The following ZNF512B variants were observed in gnomAD, a reference collection of about 807,000 sequenced individuals.
ZNF512B encodes zinc finger protein 512B.
Under a neutral mutation model 87.8 loss-of-function variants are expected in ZNF512B, and 22 were observed. The ratio of observed to expected loss-of-function variants is 0.25; its 90% CI spans 0.18 to 0.36. The LOEUF is 0.36. ZNF512B is among the 10% of genes least tolerant of loss of function. The pLI is 1.00. For synonymous variants in ZNF512B, 524 were observed against 490.9 expected (o/e 1.07, Z -0.89); for missense variants, 1,060 against 1,231.6 (o/e 0.86, Z 2.09).
In ZNF512B at chr20:63,958,044, A is replaced by G. The variant is rs1326786884; in HGVS notation, c.*1844T>C. 6.6e-6 allele frequency: 1 copy of G among 152,056 alleles called. No individual in the cohort carries two copies. Among genetic ancestry groups the G allele is most frequent in the Non-Finnish European group, 1.5e-5 (1 of 68,032 alleles). 9.4% of individuals were successfully genotyped at this position (152,056 alleles called of 1,614,324 possible). ...GGGTGGGGGGAGTCCGGGTCTCCACACCCACTCCCTGGCACATCTGGCAAG... is the reference window on the plus strand; with the variant it reads ...GGGTGGGGGGAGTCCGGGTCTCCACGCCCACTCCCTGGCACATCTGGCAAG... On this transcript the variant is annotated 3_prime_UTR_variant, in exon 17 of 17. Transcript: ENST00000369888.
chr20:63,965,519 T>C (rs868065689), intron 5 of ZNF512B, among the ~76,000 whole-genome samples: 2 of 15,000 alleles, frequency 1.3e-4, no homozygotes, highest in East Asian at 6.3e-4. Context: ...TACCTTTTCT[T>C]ACCACTGTTC....
At position 63,966,296 on chromosome 20, in the gene ZNF512B, T is replaced by G; in HGVS notation, c.879A>C (p.Pro293=). The G allele has an allele frequency of 6.2e-7, 1 of 1,612,400 alleles. No individual in the cohort carries two copies. The highest frequency in any genetic ancestry group is 8.5e-7 in the Non-Finnish European group (1 of 1,179,188). The part of the protein sequence containing the change: ...TVTKPVPVTK[P]VTVSRPIVVS... Reference sequence around the variant, plus strand: ...CCACAATGGGCCTGCTGACTGTCACTGGCTTGGTGACCGGCACGGGTTTCG... The same window carrying G: ...CCACAATGGGCCTGCTGACTGTCACGGGCTTGGTGACCGGCACGGGTTTCG... Residue 293 remains proline (P), a synonymous_variant, in exon 5 of 17, where the codon CCA becomes CCC. Coordinates refer to ENST00000369888, the MANE Select transcript of ZNF512B (RefSeq NM_020713.3).
rs1413405296 is a variant in ZNF512B, at chr20:63,961,922, G to A, written c.2328+20C>T. On this transcript the variant is annotated intron_variant, in intron 15 of 16. Coordinates refer to ENST00000369888, the MANE Select transcript of ZNF512B (RefSeq NM_020713.3). The surrounding 1 kb of genome is among the most constrained non-coding windows in gnomAD (Gnocchi z 6.4). ...TCTGAGTGCAGCGCACCTGGCCGTG[G>A]GGCAGGCCCCAGAACTGACCTTACT... 29 of 1,550,790 alleles carry A rather than the reference G, an allele frequency of 1.9e-5. No individual in the cohort carries two copies. Among genetic ancestry groups the A allele is most frequent in the Middle Eastern group, 3.3e-4 (2 of 5,982 alleles).
rs749035603 is a variant in ZNF512B, at chr20:63,963,898, T to C, written c.1496A>G (p.Gln499Arg). The part of the protein sequence containing the change: ...AHPAPGGPEE[Q>R]WQRAIHERGE... ...GCGCTCATGGATGGCCCTCTGCCAC[T>C]GCTCTTCAGGGCCACCTGTGGGTAA... The change falls in exon 9 of 17, where the codon CAG becomes CGG. Residue 499 changes from glutamine (Q) to arginine (R), a missense_variant. Gln to Arg is a conservative substitution (Grantham distance 43, BLOSUM62 1). Around this residue, in one of 9 missense-constraint regions of ZNF512B, gnomAD observed 212 missense variants for 207.6 expected, o/e 1.02. Coordinates refer to ENST00000369888, the MANE Select transcript of ZNF512B (RefSeq NM_020713.3). 4.2e-5 allele frequency: 67 copies of C among 1,610,936 alleles called. No individual in the cohort carries two copies. Among genetic ancestry groups the C allele is most frequent in the Non-Finnish European group, 5.4e-5 (64 of 1,179,994 alleles).
chr20:63,969,646 A>C (rs1247183631), intron 1 of ZNF512B, among the ~76,000 whole-genome samples, 168 bp downstream of exon 1: 1 of 116,064 alleles, frequency 8.6e-6, no homozygotes, highest in African/African-American at 3.3e-5. Flanking sequence ...GAGAAGGAGG[A>C]GGCAGGAAGA....
chr20:63,959,955 C>T lies in ZNF512B; in HGVS notation c.2612G>A (p.Cys871Tyr), dbSNP rs1263600812. Residue 871 changes from cysteine to tyrosine, a missense_variant, in exon 17 of 17, where the codon TGC (cysteine) becomes TAC (tyrosine). Cys to Tyr is a radical substitution (Grantham distance 194). Coordinates refer to ENST00000369888, the MANE Select transcript of ZNF512B (RefSeq NM_020713.3). The part of the protein sequence containing the change: ...PPRRDDWPPG[C>Y]RDKGARGSTG... ...GGAGCCCCGGGCCCCCTTGTCTCTG[C>T]ATCCTGGAGGCCAGTCGTCCCGGCG... is the stretch of plus-strand genomic sequence containing the variant. The T allele has an allele frequency of 1.2e-6, 2 of 1,611,218 alleles. No individual in the cohort carries two copies. Among genetic ancestry groups the T allele is most frequent in the East Asian group, 4.5e-5 (2 of 44,884 alleles).
Position 63,963,227 on chromosome 20 carries a change from C to G in ZNF512B, c.1836G>C (p.Gln612His). The G allele has an allele frequency of 6.5e-7, 1 of 1,548,070 alleles. No individual in the cohort carries two copies. The highest frequency in any genetic ancestry group is 8.7e-7 in the Non-Finnish European group (1 of 1,150,304). The change falls in exon 12 of 17, where the codon CAG becomes CAC. Residue 612 changes from glutamine (Q) to histidine (H), a missense_variant. By Grantham distance (24) the Gln-to-His change is conservative (BLOSUM62 0). Around this residue, in one of 9 missense-constraint regions of ZNF512B, gnomAD observed 165 missense variants for 173.0 expected, o/e 0.95. Coordinates refer to ENST00000369888, the MANE Select transcript of ZNF512B (RefSeq NM_020713.3). ...GCTTCCCGCAGCGCCGCTGGTGGTA[C>G]TGGTAGCCCATGAGGCTGGAGAAGG... ...GAAFSSLMGY[Q>H]YHQRRCGKPP...
chr20:63,959,833 C>T lies in ZNF512B; in HGVS notation c.*55G>A, dbSNP rs1439837570. The T allele has an allele frequency of 6.6e-7, 1 of 1,515,952 alleles. No individual in the cohort carries two copies. Among genetic ancestry groups the T allele is most frequent in the Non-Finnish European group, 8.7e-7 (1 of 1,143,080 alleles). The allele number at this position is 1,515,952 out of a possible 1,614,324, so 93.9% of individuals were successfully genotyped here. A position where few individuals can be genotyped will look rare whatever the true frequency, so the allele number is the denominator to read the frequency against. ...ACAGAGGTCCCGGAGCTGGCCCTGCCTTGAACAGAGGGCGGTGTGGCGGCT... is the reference window on the plus strand; with the variant it reads ...ACAGAGGTCCCGGAGCTGGCCCTGCTTTGAACAGAGGGCGGTGTGGCGGCT... On this transcript the variant is annotated 3_prime_UTR_variant, in exon 17 of 17. Coordinates refer to ENST00000369888, the MANE Select transcript of ZNF512B (RefSeq NM_020713.3).
intron 1 of ZNF512B, 134 bp downstream of exon 1, chr20:63,969,680 G>A (rs1378920793): frequency 7.1e-6 from 1 of 141,570 alleles, no homozygotes; most frequent in Non-Finnish European, 1.6e-5. Flanking sequence ...GGGCGCGGGG[G>A]CTCGGGCGCG....
rs746213980 is a variant in ZNF512B, at chr20:63,961,909, G to A, written c.2328+33C>T. On this transcript the variant is annotated intron_variant, in intron 15 of 16. Coordinates refer to ENST00000369888, the MANE Select transcript of ZNF512B (RefSeq NM_020713.3). The surrounding 1 kb of genome is among the most constrained non-coding windows in gnomAD (Gnocchi z 6.4). ...GTGAGCTGGGAGCTCTGAGTGCAGC[G>A]CACCTGGCCGTGGGGCAGGCCCCAG... 9.7e-6 allele frequency: 15 copies of A among 1,549,202 alleles called. No individual in the cohort carries two copies. The highest frequency in any genetic ancestry group is 5.5e-5 in the African/African-American group (4 of 73,022).
Position 63,966,352 on chromosome 20 carries a change from G to T in ZNF512B, c.823C>A (p.Pro275Thr), listed in dbSNP as rs2058926492. The change falls in exon 5 of 17, where the codon CCC (proline) becomes ACC (threonine). Residue 275 changes from proline to threonine, a missense_variant. Physicochemically the swap from Pro to Thr is conservative, Grantham distance 38. Coordinates refer to ENST00000369888, the MANE Select transcript of ZNF512B (RefSeq NM_020713.3). ...PVTKPVPVTK[P>T]ITVTKLVTVT... is the part of the protein sequence containing the mutation. The stretch of plus-strand genomic sequence containing the variant: ...GTCACAAGCTTTGTTACCGTAATGG[G>T]TTTGGTGACAGGTACGGGTTTGGTG... The T allele has an allele frequency of 6.3e-7, 1 of 1,593,922 alleles. No homozygotes were observed. Among genetic ancestry groups the T allele is most frequent in the East Asian group, 2.2e-5 (1 of 44,836 alleles).
Position 63,962,026 on chromosome 20 carries a change from G to C in ZNF512B, c.2266-22C>G, listed in dbSNP as rs1006586531. On this transcript the variant is annotated intron_variant, in intron 14 of 16. Transcript: ENST00000369888. ...AGCACTGCAGGGAAGGGAGCCGTGGGCGAAGGCCTCTGGTGGGCACCCCAC... is the reference window on the plus strand; with the variant it reads ...AGCACTGCAGGGAAGGGAGCCGTGGCCGAAGGCCTCTGGTGGGCACCCCAC... 1.9e-6 allele frequency: 3 copies of C among 1,550,476 alleles called. No individual in the cohort carries two copies. The African/African-American group carries it at 4.1e-5, about 21-fold the overall frequency.
rs6062599 is a variant in ZNF512B, at chr20:63,964,194, C to T, written c.1357G>A (p.Ala453Thr). 0.19 allele frequency: 308,065 copies of T among 1,599,138 alleles called. 32,576 individuals are homozygous for T. Among genetic ancestry groups the T allele is most frequent in the Non-Finnish European group, 0.22 (253,227 of 1,173,234 alleles). Residue 453 changes from alanine to threonine, a missense_variant, in exon 8 of 17, where the codon GCC (alanine) becomes ACC (threonine). Physicochemically the swap from Ala to Thr is moderately conservative, Grantham distance 58. Coordinates refer to ENST00000369888, the MANE Select transcript of ZNF512B (RefSeq NM_020713.3). ...TGCTTCTTGGAGCGGTGAACTCGGG[C>T]CTTGTCCTCAGCTTTGACCAGGCCT... ...LKGLVKAEDK[A>T]RVHRSKKQEG... is the part of the protein sequence containing the mutation.
chr20:63,957,793 T>C lies in ZNF512B; in HGVS notation c.*2095A>G, dbSNP rs1331632499. ...CCCGCCATTGGTGGCAAGGACAAAG[T>C]GCACCTAGGCCCCCGCCCAGTGCCT... On this transcript the variant is annotated 3_prime_UTR_variant, in exon 17 of 17. Transcript: ENST00000369888. 1 of 152,192 alleles carries C rather than the reference T, an allele frequency of 6.6e-6. No individual in the cohort carries two copies. The highest frequency in any genetic ancestry group is 1.5e-5 in the Non-Finnish European group (1 of 68,068). The allele number at this position is 152,192 out of a possible 1,614,324, so 9.4% of individuals were successfully genotyped here. A position where few individuals can be genotyped will look rare whatever the true frequency, so the allele number is the denominator to read the frequency against.
chr20:63,967,293 C>T, intron 3 of ZNF512B, 88 bp downstream of exon 3: 1 of 1,499,672 alleles, frequency 6.7e-7, no homozygotes, highest in Non-Finnish European at 8.9e-7. Flanking sequence ...GAGTTGGTAC[C>T]AGATGTGCAG....
intron 3 of ZNF512B, 54 bp downstream of exon 3, chr20:63,967,327 G>A: frequency 1.3e-6 from 2 of 1,538,960 alleles, no homozygotes; most frequent in Non-Finnish European, 1.8e-6. Flanking sequence ...GCAGGGCAGT[G>A]GCTGGATAGG....
At chr20:63,963,514 T>G (rs1483623043) in intron 10 of ZNF512B, 74 bp from the exon 11 acceptor site, 40 of 1,574,078 alleles carry the variant, frequency 2.5e-5, no homozygotes, top group Non-Finnish European at 2.9e-5. Context: ...CCCGCCCAGG[T>G]GTTGGGCCAC....
Position 63,959,577 on chromosome 20 carries a change from G to A in ZNF512B, c.*311C>T. The A allele has an allele frequency of 2.6e-6, 1 of 386,872 alleles. No individual in the cohort carries two copies. Among genetic ancestry groups the A allele is most frequent in the Non-Finnish European group, 4.6e-6 (1 of 217,684 alleles). The allele number at this position is 386,872 out of a possible 1,614,324, so 24.0% of individuals were successfully genotyped here. A position where few individuals can be genotyped will look rare whatever the true frequency, so the allele number is the denominator to read the frequency against. ...GGAGCCGGGGGGCCAAAGGCCATCT[G>A]CCTACTCTGCGCTGCAGCCCCTGTG... is the stretch of plus-strand genomic sequence containing the variant. On this transcript the variant is annotated 3_prime_UTR_variant, in exon 17 of 17. Coordinates refer to ENST00000369888, the MANE Select transcript of ZNF512B (RefSeq NM_020713.3).
At chr20:63,967,036 C>A in intron 3 of ZNF512B, 32 bp from the exon 4 acceptor site, 1 of 1,611,394 alleles carries the variant, frequency 6.2e-7, no homozygotes, top group Middle Eastern at 1.7e-4. Flanking sequence ...GCTGCTGACC[C>A]GCAGCCACCT....
Sources: gnomAD v4.1 joint callset for allele counts (sites outside exome capture counted in the v4.1 genomes callset) on GRCh38, gnomAD v4.1.1 for gene constraint, gnomAD v4.1.1 regional missense constraint, Gnocchi (gnomAD v3.1) non-coding constraint, MANE v1.5 for transcripts, NCBI Gene and HGNC (gene_info 2026-07-23, HGNC 2026-07-21) for gene names.